The following UBLCP1 variants were observed in gnomAD, a reference collection of about 807,000 sequenced individuals.
UBLCP1 encodes ubiquitin like domain containing CTD phosphatase 1, also known as ubiquitin-like domain-containing CTD phosphatase 1.
UBLCP1 carries 28 observed loss-of-function variants against 42.4 expected under a neutral mutation model. That is an observed-to-expected ratio of 0.66 (90% CI 0.49 to 0.90). The LOEUF is 0.90. Ranked by LOEUF, UBLCP1 falls within the 40% of genes least tolerant of loss-of-function variation. The pLI, the probability that UBLCP1 is intolerant of heterozygous loss-of-function variation, is 0.00. For synonymous variants in UBLCP1, 122 were observed against 120.8 expected (o/e 1.01, Z -0.07); for missense variants, 279 against 374.5 (o/e 0.75, Z 2.10).
chr5:159,278,425 C>T, intron 9 of UBLCP1, 71 bp downstream of exon 9: 1 of 1,013,626 alleles, frequency 9.9e-7, no homozygotes, highest in East Asian at 2.4e-5. Context: ...GTAGTAAGCA[C>T]TGTTGAATTT....
intron 1 of UBLCP1, among the ~76,000 whole-genome samples, chr5:159,264,132 T>C (rs1441517558): frequency 6.6e-6 from 1 of 152,236 alleles, no homozygotes; most frequent in Non-Finnish European, 1.5e-5. Context: ...TAGCCTCATC[T>C]TGTTGAGAAG....
chr5:159,284,724 A>G (rs1753649412), intron 10 of UBLCP1, among the ~76,000 whole-genome samples, 180 bp from the exon 11 acceptor site: 1 of 152,214 alleles, frequency 6.6e-6, no homozygotes, highest in South Asian at 2.1e-4. Flanking sequence ...TGAAGACTAA[A>G]TGAATTAATA....
At chr5:159,281,040 T>TGGAGCA (rs1392527787) in intron 9 of UBLCP1, among the ~76,000 whole-genome samples, 2 of 152,244 alleles carry the variant, frequency 1.3e-5, no homozygotes, top group Admixed American at 6.5e-5. Context: ...GTGGTTATAC[T>TGGAGCA]GGAGCAAGTG....
intron 7 of UBLCP1, 116 bp from the exon 8 acceptor site, chr5:159,275,032 G>A (rs1753516136): frequency 5.0e-6 from 4 of 803,054 alleles, no homozygotes; most frequent in African/African-American, 1.7e-5. Context: ...TTAGCAAGAT[G>A]TAGTGGCCAG....
intron 2 of UBLCP1, 24 bp downstream of exon 2, chr5:159,269,093 T>A: frequency 6.7e-7 from 1 of 1,482,510 alleles, no homozygotes; most frequent in Non-Finnish European, 8.9e-7. Context: ...CTCTTCAGAT[T>A]TTTTGCATTG....
intron 9 of UBLCP1, among the ~76,000 whole-genome samples, chr5:159,279,333 T>C (rs1753578425): frequency 6.6e-6 from 1 of 152,248 alleles, no homozygotes; most frequent in Non-Finnish European, 1.5e-5. Flanking sequence ...AGTATAAAAT[T>C]GGTAAGAGTG....
At chr5:159,265,886 A>G (rs1753385488) in intron 1 of UBLCP1, among the ~76,000 whole-genome samples, 1 of 151,922 alleles carries the variant, frequency 6.6e-6, no homozygotes, top group African/African-American at 2.4e-5. Context: ...GTTTCACCAC[A>G]TTGGCCAGGC....
In UBLCP1 at chr5:159,285,143, AC is replaced by A; in HGVS notation, c.*213del. On this transcript the variant is annotated 3_prime_UTR_variant, in exon 11 of 11. Coordinates refer to ENST00000296786, the MANE Select transcript of UBLCP1 (RefSeq NM_145049.5). ...TTGTCCCCTATATGAATATTCTGTTACGCTTGAAAAATATTTTCTCCAGCGT... is the reference window on the plus strand; with the variant it reads ...TTGTCCCCTATATGAATATTCTGTTAGCTTGAAAAATATTTTCTCCAGCGT... The A allele has an allele frequency of 2.2e-6, 1 of 446,218 alleles. No homozygotes were observed. The highest frequency in any genetic ancestry group is 4.1e-6 in the Non-Finnish European group (1 of 244,058). 27.6% of individuals were successfully genotyped at this position (446,218 alleles called of 1,614,324 possible).
chr5:159,275,280 C>T, intron 8 of UBLCP1, 34 bp downstream of exon 8: 1 of 1,539,424 alleles, frequency 6.5e-7, no homozygotes. Flanking sequence ...TTAATGACAC[C>T]ATGGTTATTT....
intron 8 of UBLCP1, 66 bp downstream of exon 8, chr5:159,275,312 A>C: frequency 1.6e-6 from 2 of 1,244,422 alleles, no homozygotes; most frequent in South Asian, 2.5e-5. Flanking sequence ...TTTTATGTTT[A>C]TACCTATGGA....
intron 9 of UBLCP1, 87 bp from the exon 10 acceptor site, chr5:159,283,125 C>T: frequency 7.5e-7 from 1 of 1,341,582 alleles, no homozygotes; most frequent in Non-Finnish European, 1.0e-6. Context: ...ATTTTAACCT[C>T]ATTAACTCTA....
intron 9 of UBLCP1, among the ~76,000 whole-genome samples, chr5:159,282,914 G>A (rs970674149): frequency 1.4e-4 from 21 of 151,902 alleles, no homozygotes; most frequent in Non-Finnish European, 2.9e-4. Flanking sequence ...GATAGGAGGC[G>A]GGAAAGGCTA....
intron 9 of UBLCP1, among the ~76,000 whole-genome samples, chr5:159,282,087 A>C (rs538838181): frequency 6.6e-6 from 1 of 152,332 alleles, no homozygotes; most frequent in African/African-American, 2.4e-5. Context: ...AGTTTAAATT[A>C]GCTTATTAAT....
chr5:159,285,900 CACT>C lies in UBLCP1; in HGVS notation c.*970_*972del, dbSNP rs1402030763. ...TAAGCCTGCAGATACGTAATGTGAC[CACT>C]GTTTTGTGTTGACAATATTGCTTTA... is the stretch of plus-strand genomic sequence containing the variant. On this transcript the variant is annotated 3_prime_UTR_variant, in exon 11 of 11. Transcript: ENST00000296786. 2 of 152,548 alleles carry C rather than the reference CACT, an allele frequency of 1.3e-5. No homozygotes were observed. Among genetic ancestry groups the C allele is most frequent in the Non-Finnish European group, 2.9e-5 (2 of 67,990 alleles). 9.4% of individuals were successfully genotyped at this position (152,548 alleles called of 1,614,324 possible).
chr5:159,277,179 TA>T (rs1239462603), intron 8 of UBLCP1, among the ~76,000 whole-genome samples: 11 of 150,312 alleles, frequency 7.3e-5, no homozygotes, highest in African/African-American at 2.7e-4. Context: ...GTGGGGGGAG[TA>T]GGGGGCGGTT....
chr5:159,268,940 T>C lies in UBLCP1; in HGVS notation c.25T>C (p.Trp9Arg). The C allele has an allele frequency of 6.2e-7, 1 of 1,609,674 alleles. No homozygotes were observed. Among genetic ancestry groups the C allele is most frequent in the Non-Finnish European group, 8.5e-7 (1 of 1,178,640 alleles). ...AATGGCTCTCCCTATCATTGTAAAATGGGGTGGACAGGAGTATTCAGTGAC... is the reference window on the plus strand; with the variant it reads ...AATGGCTCTCCCTATCATTGTAAAACGGGGTGGACAGGAGTATTCAGTGAC... MALPIIVK[W>R]GGQEYSVTTL... Residue 9 changes from tryptophan to arginine, a missense_variant, in exon 2 of 11, where the codon TGG becomes CGG. Transcript: ENST00000296786.
At chr5:159,279,248 G>C (rs192813982) in intron 9 of UBLCP1, among the ~76,000 whole-genome samples, 11 of 152,322 alleles carry the variant, frequency 7.2e-5, no homozygotes, top group Non-Finnish European at 1.6e-4. Flanking sequence ...AGACTCTAGT[G>C]ACTTGGTTCC....
At chr5:159,268,274 A>G (rs1189686949) in intron 1 of UBLCP1, among the ~76,000 whole-genome samples, 1 of 152,248 alleles carries the variant, frequency 6.6e-6, no homozygotes, top group Non-Finnish European at 1.5e-5. Flanking sequence ...TGTTTAACCA[A>G]TACTTAATTT....
chr5:159,268,199 A>G (rs1399715738), intron 1 of UBLCP1, among the ~76,000 whole-genome samples: 1 of 152,236 alleles, frequency 6.6e-6, no homozygotes, highest in Non-Finnish European at 1.5e-5. Context: ...AAGAATGGCT[A>G]TTTACTATTT....
Sources: gnomAD v4.1 joint callset for allele counts (sites outside exome capture counted in the v4.1 genomes callset) on GRCh38, gnomAD v4.1.1 for gene constraint, MANE v1.5 for transcripts, NCBI Gene and HGNC (gene_info 2026-07-23, HGNC 2026-07-21) for gene names.